The following ASTN2 variants were observed in gnomAD, a reference collection of about 807,000 sequenced individuals.
ASTN2 encodes the protein astrotactin 2.
ASTN2 carries 54 observed loss-of-function variants against 139.8 expected under a neutral mutation model. That is an observed-to-expected ratio of 0.39 (90% confidence interval 0.31 to 0.48). ASTN2 has a LOEUF of 0.48. Among genes scored for constraint, ASTN2 ranks in the 20% least tolerant of loss-of-function variants. ASTN2 has a pLI of 0.95. For missense variants in ASTN2, 1,565 were observed against 1,725.1 expected (o/e 0.91, Z 1.64); for synonymous variants, 756 against 719.5 (o/e 1.05, Z -0.81).
At position 116,423,646 on chromosome 9, in the gene ASTN2, G is replaced by C. The variant is rs1018782509; in HGVS notation, c.*2205C>G. The stretch of plus-strand genomic sequence containing the variant: ...TTTAGAAGCTCCACCTGTATACTTA[G>C]AGAAACATAAACCCAATAATAGTAA... On this transcript the variant is annotated 3_prime_UTR_variant, in exon 23 of 23. Transcript: ENST00000313400. Among the ~76,000 whole-genome samples, 1 of 152,168 alleles carries C rather than the reference G, an allele frequency of 6.6e-6. No individual in the cohort carries two copies. Among genetic ancestry groups the C allele is most frequent in the African/African-American group, 2.4e-5 (1 of 41,442 alleles).
intron 2 of ASTN2, among the ~76,000 whole-genome samples, chr9:117,263,961 G>A (rs1460704136): frequency 2.6e-5 from 4 of 151,916 alleles, no homozygotes; most frequent in African/African-American, 9.7e-5. Context: ...CAGCCCTGGA[G>A]TTCGAGACCA....
chr9:116,533,304 A>C (rs928664558), intron 19 of ASTN2, among the ~76,000 whole-genome samples: 1 of 152,176 alleles, frequency 6.6e-6, no homozygotes, highest in African/African-American at 2.4e-5. Context: ...TGTCATCTGC[A>C]AACAGGGACA....
Position 116,733,494 on chromosome 9 carries a change from TG to T in ASTN2, c.2425del (p.Gln809SerfsTer8). ...GATCACCAACAGCCCATCGGCCAGCTGGGGAAAGTCCTTGATGAAGTTGTTC... is the reference window on the plus strand; with the variant it reads ...GATCACCAACAGCCCATCGGCCAGCTGGGAAAGTCCTTGATGAAGTTGTTC... Reference protein sequence around the residue: ...RENNFIKDFPQLADGLLVIPL... With the variant: ...RENNFIKDFPXLADGLLVIPL... On this transcript the variant is annotated frameshift_variant, in exon 14 of 23. Coordinates refer to ENST00000313400, the MANE Select transcript of ASTN2 (RefSeq NM_001365068.1). LOFTEE classifies it high-confidence loss of function. 6.2e-7 allele frequency: 1 copy of T among 1,614,170 alleles called. No homozygotes were observed. The highest frequency in any genetic ancestry group is 8.5e-7 in the Non-Finnish European group (1 of 1,180,032).
intron 2 of ASTN2, among the ~76,000 whole-genome samples, chr9:117,278,019 G>A (rs1223037774): frequency 1.3e-5 from 2 of 152,160 alleles, no homozygotes; most frequent in Non-Finnish European, 2.9e-5. Context: ...GCAATTTACA[G>A]GGGGTAAAAA....
chr9:116,924,442 A>AG (rs1395908577), intron 10 of ASTN2, among the ~76,000 whole-genome samples: 4 of 150,980 alleles, frequency 2.6e-5, no homozygotes, highest in African/African-American at 9.7e-5. Context: ...AAAAAAAAAA[A>AG]AAAAAAAAAG....
intron 16 of ASTN2, among the ~76,000 whole-genome samples, chr9:116,685,421 T>C (rs1458222849): frequency 6.6e-6 from 1 of 152,180 alleles, no homozygotes; most frequent in Non-Finnish European, 1.5e-5. Flanking sequence ...AATTACTCTT[T>C]AACTATTGCA....
At position 116,471,950 on chromosome 9, in the gene ASTN2, C is replaced by G. The variant is rs1440983447; in HGVS notation, c.3497+15409G>C. 3.3e-5 allele frequency among the ~76,000 whole-genome samples: 5 copies of G among 152,108 alleles called. No individual in the cohort carries two copies. The East Asian group carries it at 9.7e-4, about 29-fold the overall frequency. ...TGGTTGTGCTTTGATAGATTCCCAA[C>G]AAAACCCGCGAGTGCAACAGCCCCA... On this transcript the variant is annotated intron_variant, in intron 20 of 22. Transcript: ENST00000313400.
chr9:116,939,160 T>A (rs1431216061), intron 10 of ASTN2, among the ~76,000 whole-genome samples: 3 of 152,144 alleles, frequency 2.0e-5, no homozygotes, highest in Non-Finnish European at 2.9e-5. Context: ...TGATTTAACC[T>A]CATAGTCTCA....
chr9:116,730,470 T>C (rs143069903), intron 14 of ASTN2, among the ~76,000 whole-genome samples: 1 of 152,348 alleles, frequency 6.6e-6, no homozygotes, highest in East Asian at 1.9e-4. Flanking sequence ...AGGTTGTTTG[T>C]TATAAATACA....
intron 19 of ASTN2, among the ~76,000 whole-genome samples, chr9:116,617,891 C>T (rs1174277588): frequency 6.6e-6 from 1 of 152,180 alleles, no homozygotes. Flanking sequence ...GAATCACTTC[C>T]AATTATCTCT....
chr9:117,303,135 C>A (rs1834916302), intron 1 of ASTN2, among the ~76,000 whole-genome samples: 1 of 152,198 alleles, frequency 6.6e-6, no homozygotes, highest in African/African-American at 2.4e-5. Context: ...ACTTCACGAA[C>A]TTCACCCATC....
intron 16 of ASTN2, among the ~76,000 whole-genome samples, chr9:116,722,144 A>G (rs1658998898): frequency 6.6e-6 from 1 of 152,188 alleles, no homozygotes; most frequent in Admixed American, 6.5e-5. Flanking sequence ...GATTTTTAAA[A>G]GTCTGTAACA....
intron 20 of ASTN2, among the ~76,000 whole-genome samples, chr9:116,450,920 C>CA (rs1383174523): frequency 6.6e-6 from 1 of 152,198 alleles, no homozygotes; most frequent in Non-Finnish European, 1.5e-5. Flanking sequence ...TTTCTACTTT[C>CA]AAAACAACTC....
intron 1 of ASTN2, among the ~76,000 whole-genome samples, chr9:117,309,106 T>C (rs1810441181): frequency 6.6e-6 from 1 of 152,264 alleles, no homozygotes; most frequent in Non-Finnish European, 1.5e-5. Context: ...TATGTATGTG[T>C]GTATGTACAT....
intron 16 of ASTN2, among the ~76,000 whole-genome samples, chr9:116,693,203 A>G (rs1860660870): frequency 6.6e-6 from 1 of 152,174 alleles, no homozygotes; most frequent in South Asian, 2.1e-4. Context: ...AGTACTTTAT[A>G]TGCATTTTCC....
At chr9:116,782,120 T>A (rs73655487) in intron 13 of ASTN2, among the ~76,000 whole-genome samples, 4,147 of 152,192 alleles carry the variant, frequency 0.027, 85 homozygotes, top group African/African-American at 0.045. Flanking sequence ...GGAGAGAAAG[T>A]GTGGGCAGGG....
intron 19 of ASTN2, among the ~76,000 whole-genome samples, chr9:116,566,326 C>T (rs998040099): frequency 3.3e-5 from 5 of 152,166 alleles, no homozygotes; most frequent in Non-Finnish European, 7.4e-5. Context: ...ATACTGGGCT[C>T]ATTCCAGGAT....
chr9:117,079,320 C>A (rs1309479249), intron 5 of ASTN2, among the ~76,000 whole-genome samples: 1 of 152,112 alleles, frequency 6.6e-6, no homozygotes, highest in Non-Finnish European at 1.5e-5. Flanking sequence ...GGCACCACTG[C>A]ACTCCAACCT....
intron 10 of ASTN2, among the ~76,000 whole-genome samples, chr9:116,966,712 A>C (rs1836020819): frequency 6.6e-6 from 1 of 151,782 alleles, no homozygotes; most frequent in Non-Finnish European, 1.5e-5. Flanking sequence ...CTTTAAAAAA[A>C]AAAAAAAGGA....
Sources: allele counts gnomAD v4.1 joint callset (sites outside exome capture counted in the v4.1 genomes callset), GRCh38; gene constraint gnomAD v4.1.1; transcripts MANE v1.5; gene names NCBI Gene and HGNC (gene_info 2026-07-23, HGNC 2026-07-21).